MTMR10: variants seen among roughly 807,000 people sequenced by gnomAD.
MTMR10 encodes the protein myotubularin related protein 10, also known as myotubularin-related protein 10.
MTMR10 carries 56 observed loss-of-function variants against 88.1 expected under a neutral mutation model. That is an observed-to-expected ratio of 0.64 (90% CI 0.51 to 0.79). The LOEUF (loss-of-function observed/expected upper bound fraction) is 0.79, where lower values mean the gene tolerates loss of function less well. Ranked by LOEUF, MTMR10 falls within the 30% of genes least tolerant of loss-of-function variation. The pLI, the probability that MTMR10 is intolerant of heterozygous loss-of-function variation, is 0.00. For missense variants in MTMR10, 883 were observed against 924.7 expected, an observed-to-expected ratio of 0.95 and a Z score of 0.58; for synonymous variants, 380 against 340.9, an observed-to-expected ratio of 1.11 and a Z score of -1.26.
the MTMR10 span, among the ~76,000 whole-genome samples, chr15:30,932,297 A>C: frequency 1.3e-5 from 2 of 151,772 alleles, no homozygotes; most frequent in Non-Finnish European, 2.9e-5. Flanking sequence ...ATCTGAGAGG[A>C]ATTGGTATCT....
chr15:30,920,070 C>G, the MTMR10 span, among the ~76,000 whole-genome samples: 2 of 152,232 alleles, frequency 1.3e-5, no homozygotes, highest in African/African-American at 4.8e-5. Context: ...ACCAACTTTA[C>G]TCTGCTGTTT....
At chr15:30,930,078 G>A in the MTMR10 span, among the ~76,000 whole-genome samples, 7 of 146,314 alleles carry the variant, frequency 4.8e-5, no homozygotes, top group South Asian at 1.3e-3. Context: ...CTATCCCCCT[G>A]GCCCCAATGC....
chr15:30,937,144 ATCGTCTT>A, downstream of MTMR10: 1 of 1,613,534 alleles, frequency 6.2e-7, no homozygotes, highest in Non-Finnish European at 8.5e-7. Flanking sequence ...GGCCCCAATG[ATCGTCTT>A]TCACATAAGC....
intron 2 of MTMR10, among the ~76,000 whole-genome samples, chr15:30,987,678 TTC>T (rs903848858): frequency 3.6e-5 from 5 of 139,104 alleles, no homozygotes; most frequent in African/African-American, 9.8e-5. Context: ...TAACAATTAA[TTC>T]TTTTTTTTTT....
At chr15:30,946,588 G>T in intron 14 of MTMR10, 1 of 612,418 alleles carries the variant, frequency 1.6e-6, no homozygotes, top group East Asian at 2.8e-5. Flanking sequence ...TCTCTCAATG[G>T]TCTCCACGGC....
chr15:30,938,259 T>C (rs1402563213), downstream of MTMR10, among the ~76,000 whole-genome samples: 1 of 152,198 alleles, frequency 6.6e-6, no homozygotes, highest in African/African-American at 2.4e-5. Context: ...ACCGAGATTC[T>C]TGAATTAAGT....
At chr15:30,933,094 TTG>T in the MTMR10 span, among the ~76,000 whole-genome samples, 2 of 152,142 alleles carry the variant, frequency 1.3e-5, no homozygotes, top group Non-Finnish European at 2.9e-5. Context: ...TATTGGTAAT[TTG>T]TGTCTTTTCT....
Position 30,939,761 on chromosome 15 carries a change from C to T in MTMR10, c.*1709G>A. The stretch of plus-strand genomic sequence containing the variant: ...AATGAAAAAGGGAGAATTGTGATTA[C>T]ACTGTCAATGGCAGGATACGCTGTG... On this transcript the variant is annotated 3_prime_UTR_variant, in exon 16 of 16. Transcript: ENST00000435680. The T allele has an allele frequency of 1.0e-6, 1 of 985,076 alleles. No homozygotes were observed. The highest frequency in any genetic ancestry group is 1.2e-6 in the Non-Finnish European group (1 of 829,644). The allele number at this position is 985,076 out of a possible 1,614,324, so 61.0% of individuals were successfully genotyped here.
In MTMR10 at chr15:30,954,769, C is replaced by A; in HGVS notation, c.1060G>T (p.Val354Phe). ...GAAATAAGAATGAAATTACCATTAA[C>A]GCATAGCTGCTTCAGTTTTACAAAT... ...AAFVKLKQLC[V>F]NEPFEETEEK... Residue 354 changes from valine (V) to phenylalanine (F), a missense_variant, in exon 10 of 16, where the codon GTT (valine) becomes TTT (phenylalanine). Transcript: ENST00000435680. 1.9e-6 allele frequency: 3 copies of A among 1,599,070 alleles called. No individual in the cohort carries two copies. The highest frequency in any genetic ancestry group is 2.3e-5 in the South Asian group (2 of 87,974).
intron 2 of MTMR10, among the ~76,000 whole-genome samples, chr15:30,989,136 G>C (rs1320422208): frequency 6.6e-6 from 1 of 152,116 alleles, no homozygotes; most frequent in East Asian, 1.9e-4. Context: ...CCTGTTCAGA[G>C]TAAACGAAGT....
the MTMR10 span, among the ~76,000 whole-genome samples, chr15:30,919,131 G>A: frequency 1.3e-5 from 2 of 151,824 alleles, no homozygotes; most frequent in Admixed American, 6.6e-5. Context: ...CTGTAATCCC[G>A]GCACTTTGGG....
intron 14 of MTMR10, among the ~76,000 whole-genome samples, chr15:30,945,660 T>C (rs905532289): frequency 6.6e-6 from 1 of 152,166 alleles, no homozygotes; most frequent in African/African-American, 2.4e-5. Flanking sequence ...AGAATGATTA[T>C]GGTGACGAAA....
chr15:30,919,689 G>T, the MTMR10 span, among the ~76,000 whole-genome samples: 1 of 137,800 alleles, frequency 7.3e-6, no homozygotes, highest in East Asian at 2.0e-4. Context: ...ACTCTGTCTC[G>T]GGGAAAAAAA....
intron 2 of MTMR10, among the ~76,000 whole-genome samples, chr15:30,985,779 G>A (rs1238836316): frequency 6.6e-6 from 1 of 152,194 alleles, no homozygotes; most frequent in Non-Finnish European, 1.5e-5. Context: ...ACACATTAGT[G>A]CACTTCCTTG....
chr15:30,963,825 T>A (rs1389222625), intron 6 of MTMR10, among the ~76,000 whole-genome samples: 3 of 152,134 alleles, frequency 2.0e-5, no homozygotes, highest in African/African-American at 4.8e-5. Flanking sequence ...ACACAAAACC[T>A]GCATATGGAA....
chr15:30,976,697 C>A, intron 3 of MTMR10, 122 bp downstream of exon 3: 1 of 1,101,300 alleles, frequency 9.1e-7, no homozygotes, highest in Non-Finnish European at 1.2e-6. Flanking sequence ...ATAATTTATC[C>A]CAAACATTGC....
Position 30,940,194 on chromosome 15 carries a change from G to A in MTMR10, c.*1276C>T, listed in dbSNP as rs1419214951. 1.0e-6 allele frequency: 1 copy of A among 985,216 alleles called. No homozygotes were observed. Among genetic ancestry groups the A allele is most frequent in the Non-Finnish European group, 1.2e-6 (1 of 829,880 alleles). The allele number at this position is 985,216 out of a possible 1,614,324, so 61.0% of individuals were successfully genotyped here. A position where few individuals can be genotyped will look rare whatever the true frequency, so the allele number is the denominator to read the frequency against. ...GGGGAATGAGGAGTGTGGGGGAGGT[G>A]GTGCCCCGTTTCACTGCTGTAAGAA... is the stretch of plus-strand genomic sequence containing the variant. On this transcript the variant is annotated 3_prime_UTR_variant, in exon 16 of 16. Coordinates refer to ENST00000435680, the MANE Select transcript of MTMR10 (RefSeq NM_017762.3).
intron 7 of MTMR10, 93 bp from the exon 8 acceptor site, chr15:30,959,214 G>A (rs2063368200): frequency 1.2e-5 from 14 of 1,152,582 alleles, no homozygotes; most frequent in African/African-American, 3.1e-5. Context: ...CAAGTTGTCC[G>A]CATTTAATGT....
chr15:30,927,671 G>A, the MTMR10 span: 1 of 985,664 alleles, frequency 1.0e-6, no homozygotes, highest in Non-Finnish European at 1.2e-6. Flanking sequence ...CAGGATGGGG[G>A]TCTGGTGGTC....
Sources: allele counts gnomAD v4.1 joint callset (sites outside exome capture counted in the v4.1 genomes callset), GRCh38; gene constraint gnomAD v4.1.1; transcripts MANE v1.5; gene names NCBI Gene and HGNC (gene_info 2026-07-23, HGNC 2026-07-21).